The following UBAC2 variants were observed in gnomAD, a reference collection of about 807,000 sequenced individuals.
UBAC2 encodes ubiquitin-associated domain-containing protein 2.
UBAC2 carries 26 observed loss-of-function variants against 44.0 expected under a neutral mutation model. The ratio of observed to expected loss-of-function variants is 0.59; its 90% CI spans 0.43 to 0.82. The LOEUF is 0.82. Ranked by LOEUF, UBAC2 falls within the 40% of genes least tolerant of loss-of-function variation. The pLI, the probability that UBAC2 is intolerant of heterozygous loss-of-function variation, is 0.00. For synonymous variants in UBAC2, 155 were observed against 154.3 expected (o/e 1.00, Z -0.04); for missense variants, 329 against 419.4 (o/e 0.78, Z 1.88).
chr13:99,250,043 G>A (rs1010273236), intron 4 of UBAC2, among the ~76,000 whole-genome samples: 5 of 152,134 alleles, frequency 3.3e-5, no homozygotes. Flanking sequence ...TTATTTTGCT[G>A]TGCAGAAGCT....
At chr13:99,275,270 G>A (rs2043867808) in intron 4 of UBAC2, among the ~76,000 whole-genome samples, 1 of 152,162 alleles carries the variant, frequency 6.6e-6, no homozygotes, top group Admixed American at 6.5e-5. Context: ...AAGACTCACA[G>A]TGCTGTTGGC....
At chr13:99,355,176 G>A (rs2045158817) in intron 7 of UBAC2, among the ~76,000 whole-genome samples, 2 of 152,166 alleles carry the variant, frequency 1.3e-5, no homozygotes, top group Admixed American at 1.3e-4. Flanking sequence ...ACTGTAACAA[G>A]TACCAAAACT....
chr13:99,206,708 T>C (rs2042876731), intron 1 of UBAC2, among the ~76,000 whole-genome samples: 1 of 152,242 alleles, frequency 6.6e-6, no homozygotes, highest in African/African-American at 2.4e-5. Flanking sequence ...TGGCACCGTT[T>C]CTCAGCTAAG....
At chr13:99,276,629 A>G (rs1471158917) in intron 4 of UBAC2, among the ~76,000 whole-genome samples, 2 of 152,130 alleles carry the variant, frequency 1.3e-5, no homozygotes, top group East Asian at 1.9e-4. Context: ...ATAGGGCTCC[A>G]TCTCCCACCA....
rs371919034 is a variant in UBAC2 at position 99,377,898 on chromosome 13, G to A, written c.928-7330G>A. ...CCTGGTCCCCTGCATGTGGTCACAC[G>A]GGGCCAACTCCAAAGCTCGGGTCTC... On this transcript the variant is annotated intron_variant, in intron 8 of 8. Coordinates refer to ENST00000403766, the MANE Select transcript of UBAC2 (RefSeq NM_001144072.2). 1.8e-4 allele frequency among the ~76,000 whole-genome samples: 28 copies of A among 152,318 alleles called. No individual in the cohort carries two copies. The South Asian group carries it at 5.0e-3, about 27-fold the overall frequency.
At chr13:99,347,325 C>G (rs940452458) in intron 7 of UBAC2, among the ~76,000 whole-genome samples, 4 of 77,934 alleles carry the variant, frequency 5.1e-5, no homozygotes, top group Admixed American at 1.0e-4. Context: ...GGGCGCCCCC[C>G]CCCCCCCCCA....
intron 7 of UBAC2, among the ~76,000 whole-genome samples, chr13:99,349,505 C>T (rs917623338): frequency 5.3e-5 from 8 of 152,092 alleles, no homozygotes; most frequent in Non-Finnish European, 1.0e-4. Flanking sequence ...CGGCTGGGTG[C>T]GCTGATATTT....
chr13:99,307,637 T>C (rs2044355507), intron 4 of UBAC2, among the ~76,000 whole-genome samples: 1 of 152,178 alleles, frequency 6.6e-6, no homozygotes, highest in Non-Finnish European at 1.5e-5. Flanking sequence ...TCTGTGGAAC[T>C]TTATAAATTT....
intron 4 of UBAC2, among the ~76,000 whole-genome samples, chr13:99,274,703 C>CCTTTTTCCTTTT (rs1216398280): frequency 6.6e-6 from 1 of 150,958 alleles, no homozygotes. Context: ...TTATGAATAT[C>CCTTTTTCCTTTT]CTTTTTCCTT....
intron 4 of UBAC2, among the ~76,000 whole-genome samples, chr13:99,276,159 G>C (rs2043879320): frequency 6.6e-6 from 1 of 152,098 alleles, no homozygotes; most frequent in African/African-American, 2.4e-5. Context: ...GGCAGTGAGG[G>C]GTGTTTTCCA....
chr13:99,315,565 C>T (rs577267366), intron 5 of UBAC2, among the ~76,000 whole-genome samples: 9 of 152,272 alleles, frequency 5.9e-5, no homozygotes, highest in African/African-American at 1.2e-4. Context: ...TGTTGAATTT[C>T]GGTTTAATGA....
At chr13:99,201,589 C>A in intron 1 of UBAC2, 2 of 1,612,920 alleles carry the variant, frequency 1.2e-6, no homozygotes, top group Non-Finnish European at 1.7e-6. Flanking sequence ...AGTATTTTTA[C>A]AGCCAGTTAA....
chr13:99,211,341 T>C (rs1009822782), intron 1 of UBAC2, among the ~76,000 whole-genome samples: 1 of 152,156 alleles, frequency 6.6e-6, no homozygotes, highest in African/African-American at 2.4e-5. Flanking sequence ...TACTGTATCA[T>C]ACAATGAAAA....
chr13:99,225,885 G>T (rs192859386), intron 1 of UBAC2, among the ~76,000 whole-genome samples: 1 of 152,126 alleles, frequency 6.6e-6, no homozygotes, highest in African/African-American at 2.4e-5. Context: ...ATTTGGCAGC[G>T]TTTATTTTTT....
intron 4 of UBAC2, among the ~76,000 whole-genome samples, chr13:99,262,844 G>A (rs1352696767): frequency 6.6e-6 from 1 of 150,988 alleles, no homozygotes; most frequent in Admixed American, 6.6e-5. Context: ...ACAGCCATTT[G>A]TATAGTAAAA....
intron 6 of UBAC2, among the ~76,000 whole-genome samples, chr13:99,333,821 C>T (rs1047521287): frequency 6.6e-6 from 1 of 152,164 alleles, no homozygotes; most frequent in Non-Finnish European, 1.5e-5. Context: ...CTTTAACCTT[C>T]CTCAGTTTCT....
chr13:99,228,259 G>C (rs1187779291), intron 1 of UBAC2, among the ~76,000 whole-genome samples: 1 of 151,938 alleles, frequency 6.6e-6, no homozygotes, highest in Non-Finnish European at 1.5e-5. Context: ...TGATGGTGCT[G>C]GTGGTAGGAG....
Position 99,215,844 on chromosome 13 carries a change from C to T in UBAC2, c.31+14905C>T, listed in dbSNP as rs540751885. 4 of 522,106 alleles carry T rather than the reference C, an allele frequency of 7.7e-6. No homozygotes were observed. The East Asian group carries it at 1.2e-4, about 15-fold the overall frequency. The allele number at this position is 522,106 out of a possible 1,614,324, so 32.3% of individuals were successfully genotyped here. A position where few individuals can be genotyped will look rare whatever the true frequency, so the allele number is the denominator to read the frequency against. ...TCCCACCATCTACTCCTTCATCGCACCGTGATTCAAACTGCCCTTTTCAGT... is the reference window on the plus strand; with the variant it reads ...TCCCACCATCTACTCCTTCATCGCATCGTGATTCAAACTGCCCTTTTCAGT... On this transcript the variant is annotated intron_variant, in intron 1 of 8. Transcript: ENST00000403766.
intron 6 of UBAC2, among the ~76,000 whole-genome samples, chr13:99,337,347 T>TC (rs1351284767): frequency 6.6e-6 from 1 of 152,034 alleles, no homozygotes; most frequent in Non-Finnish European, 1.5e-5. Context: ...ATTATCTTTT[T>TC]CTTTTTTTTC....
Sources: gnomAD v4.1 joint callset for allele counts (sites outside exome capture counted in the v4.1 genomes callset) on GRCh38, gnomAD v4.1.1 for gene constraint, MANE v1.5 for transcripts, NCBI Gene and HGNC (gene_info 2026-07-23, HGNC 2026-07-21) for gene names.